Variants in CCDC141 observed in about 807,000 individuals in gnomAD.
CCDC141 encodes the protein coiled-coil domain-containing protein 141.
A neutral mutation model predicts 181.0 loss-of-function variants in CCDC141; 168 were observed. The observed-to-expected ratio is 0.93, with a 90% CI of 0.82 to 1.05. The LOEUF (loss-of-function observed/expected upper bound fraction) is 1.05, where lower values mean the gene tolerates loss of function less well. Among genes scored for constraint, CCDC141 ranks in the 50% least tolerant of loss-of-function variants. The pLI, the probability that CCDC141 is intolerant of heterozygous loss-of-function variation, is 0.00. For missense variants in CCDC141, 1,902 were observed against 1,788.5 expected, an observed-to-expected ratio of 1.06 and a Z score of -1.14; for synonymous variants, 666 against 642.3, an observed-to-expected ratio of 1.04 and a Z score of -0.56.
At chr2:178,851,101 G>T (rs946847807) in intron 20 of CCDC141, among the ~76,000 whole-genome samples, 1 of 151,710 alleles carries the variant, frequency 6.6e-6, no homozygotes, top group East Asian at 1.9e-4. Flanking sequence ...AGCTACTCGG[G>T]AGGCTGAGGC....
intron 2 of CCDC141, among the ~76,000 whole-genome samples, chr2:178,988,453 AAAACTT>A (rs1691866459): frequency 6.6e-6 from 1 of 151,228 alleles, no homozygotes; most frequent in Non-Finnish European, 1.5e-5. Context: ...CATGTACCCT[AAAACTT>A]AAAGTATAAT....
chr2:178,842,178 T>C (rs1684753694), intron 22 of CCDC141, among the ~76,000 whole-genome samples: 1 of 152,152 alleles, frequency 6.6e-6, no homozygotes, highest in Middle Eastern at 3.2e-3. Flanking sequence ...TCTGGCAAAA[T>C]AGCTGGGAAA....
At chr2:179,024,253 C>T (rs1265121563) in intron 2 of CCDC141, among the ~76,000 whole-genome samples, 1 of 152,212 alleles carries the variant, frequency 6.6e-6, no homozygotes, top group Non-Finnish European at 1.5e-5. Flanking sequence ...AGAACTGTTG[C>T]AAGCAAGAAC....
At chr2:179,012,647 G>A (rs1397892044) in intron 2 of CCDC141, among the ~76,000 whole-genome samples, 1 of 151,972 alleles carries the variant, frequency 6.6e-6, no homozygotes, top group Non-Finnish European at 1.5e-5. Context: ...CCAAAACCAG[G>A]AAAGGACATA....
chr2:179,015,664 C>CAT (rs2042497153), intron 2 of CCDC141, among the ~76,000 whole-genome samples: 1 of 138,228 alleles, frequency 7.2e-6, no homozygotes, highest in East Asian at 2.1e-4. Context: ...ACATATATCT[C>CAT]ATACATATCT....
intron 14 of CCDC141, among the ~76,000 whole-genome samples, chr2:178,870,242 A>AT (rs1686054370): frequency 6.6e-6 from 1 of 151,102 alleles, no homozygotes; most frequent in Non-Finnish European, 1.5e-5. Flanking sequence ...AAAAAAAAAA[A>AT]AAAAAAAAAA....
chr2:179,020,444 A>G (rs1482731151), intron 2 of CCDC141, among the ~76,000 whole-genome samples: 1 of 152,090 alleles, frequency 6.6e-6, no homozygotes, highest in African/African-American at 2.4e-5. Flanking sequence ...CCATGAGACC[A>G]CGTTGGCTGT....
chr2:179,044,893 T>C (rs2043438130), intron 2 of CCDC141, among the ~76,000 whole-genome samples: 1 of 152,224 alleles, frequency 6.6e-6, no homozygotes, highest in Non-Finnish European at 1.5e-5. Flanking sequence ...ATCACACTAG[T>C]TTGTGACATA....
intron 8 of CCDC141, among the ~76,000 whole-genome samples, chr2:178,901,722 C>T (rs1016086757): frequency 1.3e-5 from 2 of 151,306 alleles, no homozygotes. Context: ...TCTCTCACCA[C>T]TCCTATTCAA....
intron 2 of CCDC141, among the ~76,000 whole-genome samples, chr2:178,997,327 A>T (rs1559037331): frequency 6.6e-6 from 1 of 152,026 alleles, no homozygotes; most frequent in Non-Finnish European, 1.5e-5. Context: ...CTCAGGAAAT[A>T]CTATTTTATT....
chr2:179,010,398 C>A (rs2042233737), intron 2 of CCDC141, among the ~76,000 whole-genome samples: 1 of 152,134 alleles, frequency 6.6e-6, no homozygotes, highest in Non-Finnish European at 1.5e-5. Flanking sequence ...AGCTGTGAGA[C>A]AAAATTGCCA....
rs185376862 is a variant in CCDC141 at position 178,860,886 on chromosome 2, T to C, written c.2725-4489A>G. 4.3e-3 allele frequency among the ~76,000 whole-genome samples: 658 copies of C among 152,302 alleles called. 7 individuals carry two copies. Among genetic ancestry groups the C allele is most frequent in the African/African-American group, 0.015 (633 of 41,562 alleles). On this transcript the variant is annotated intron_variant, in intron 17 of 23. Coordinates refer to ENST00000443758, the MANE Select transcript of CCDC141 (RefSeq NM_173648.4). ...GCATGTTTTGTGTCTTCATAATATG[T>C]TAAGTTTTGTTTTCTGAACATGATA...
intron 17 of CCDC141, among the ~76,000 whole-genome samples, chr2:178,864,102 CCTCAGCCTGCTCCA>C (rs1307889563): frequency 6.6e-6 from 1 of 152,176 alleles, no homozygotes; most frequent in Non-Finnish European, 1.5e-5. Flanking sequence ...TGGGAAAACC[CCTCAGCCTGCTCCA>C]CTTGCGCTTT....
Position 178,836,976 on chromosome 2 carries a change from G to C in CCDC141, c.4243C>G (p.Leu1415Val). 1.2e-6 allele frequency: 2 copies of C among 1,613,988 alleles called. No homozygotes were observed. Among genetic ancestry groups the C allele is most frequent in the Non-Finnish European group, 1.7e-6 (2 of 1,179,940 alleles). ...CCTTCCATGACAGTTACATTAGACA[G>C]GAGCCTGGAGAAATTAGGTGCCTGG... Reference protein sequence around the residue: ...ADQAPNFSRLLSNVTVMEGSP... With the variant: ...ADQAPNFSRLVSNVTVMEGSP... Residue 1415 changes from leucine (L) to valine (V), a missense_variant, in exon 23 of 24, where the codon CTG becomes GTG. By Grantham distance (32) the Leu-to-Val change is conservative (BLOSUM62 1). Transcript: ENST00000443758.
At chr2:178,924,177 G>A (rs569573020) in intron 6 of CCDC141, among the ~76,000 whole-genome samples, 4 of 152,168 alleles carry the variant, frequency 2.6e-5, no homozygotes, top group Non-Finnish European at 4.4e-5. Context: ...GGGGAAAGGT[G>A]GACCAAAAAA....
At chr2:179,035,993 T>C (rs7581299) in intron 2 of CCDC141, among the ~76,000 whole-genome samples, 78,901 of 152,102 alleles carry the variant, frequency 0.52, 22,367 homozygotes, top group Non-Finnish European at 0.64. Flanking sequence ...AGCCAGGTTC[T>C]GTTCCTTGCA....
intron 11 of CCDC141, among the ~76,000 whole-genome samples, chr2:178,882,071 C>T (rs921525955): frequency 1.3e-5 from 2 of 151,824 alleles, no homozygotes; most frequent in Admixed American, 6.6e-5. Flanking sequence ...GAAAAGAAAC[C>T]TGTTAAAAAT....
rs947234376 is a variant in CCDC141 at position 178,894,093 on chromosome 2, A to C, written c.1266-5425T>G. On this transcript the variant is annotated intron_variant, in intron 8 of 23. Transcript: ENST00000443758. ...GGAGGCTGAAAATGCTGCAGCCAAC[A>C]GCTATGAGGGCCATGGAATTAAACA... Among the ~76,000 whole-genome samples the C allele has an allele frequency of 2.6e-5, 4 of 152,178 alleles. No homozygotes were observed. The East Asian group carries it at 7.7e-4, about 29-fold the overall frequency.
In CCDC141 at chr2:178,834,438, T is replaced by C; in HGVS notation, c.4328A>G (p.Tyr1443Cys). The C allele has an allele frequency of 6.5e-7, 1 of 1,535,210 alleles. No homozygotes were observed. Among genetic ancestry groups the C allele is most frequent in the Non-Finnish European group, 8.7e-7 (1 of 1,145,860 alleles). Residue 1443 changes from tyrosine to cysteine, a missense_variant and splice_region_variant, in exon 24 of 24, where the codon TAC (tyrosine) becomes TGC (cysteine). Physicochemically the swap from Tyr to Cys is radical, Grantham distance 194 (BLOSUM62 -2). Transcript: ENST00000443758. ...TGCAGACAATTTCTGGCCCTTCTTG[T>C]ACCTGAAGCAGAGAGGCAGTTTTTA... ...TGFPEPTLTWYKKGQKLSADG... is the reference protein window; with the variant it reads ...TGFPEPTLTWCKKGQKLSADG...
Sources: allele counts gnomAD v4.1 joint callset (sites outside exome capture counted in the v4.1 genomes callset), GRCh38; gene constraint gnomAD v4.1.1; transcripts MANE v1.5; gene names NCBI Gene and HGNC (gene_info 2026-07-23, HGNC 2026-07-21).